CPNE5: variants seen among roughly 807,000 people sequenced by gnomAD.
CPNE5 encodes the protein copine-5.
Under a neutral mutation model 81.1 loss-of-function variants are expected in CPNE5, and 42 were observed. The ratio of observed to expected loss-of-function variants is 0.52; its 90% CI spans 0.40 to 0.67. The LOEUF is 0.67. Ranked by LOEUF, CPNE5 falls within the 30% of genes least tolerant of loss-of-function variation. The probability of loss-of-function intolerance (pLI) is 0.00; values close to 1 mark genes in which losing one functional copy is unlikely to be tolerated. For missense variants in CPNE5, 612 were observed against 815.5 expected (o/e 0.75, Z 3.04); for synonymous variants, 313 against 321.5 (o/e 0.97, Z 0.28).
At chr6:36,832,417 G>A (rs934502644) in intron 1 of CPNE5, among the ~76,000 whole-genome samples, 18 of 152,282 alleles carry the variant, frequency 1.2e-4, no homozygotes, top group African/African-American at 4.3e-4. Flanking sequence ...CCCTGAAATA[G>A]AAAGGAAAGT....
intron 3 of CPNE5, among the ~76,000 whole-genome samples, chr6:36,803,811 T>A (rs236403): frequency 2.6e-5 from 4 of 151,940 alleles, no homozygotes; most frequent in African/African-American, 9.7e-5. Context: ...TTAACAGGTG[T>A]TTTTTAAAAA....
chr6:36,820,895 C>T (rs1771986362), intron 3 of CPNE5, among the ~76,000 whole-genome samples: 2 of 151,640 alleles, frequency 1.3e-5, no homozygotes, highest in South Asian at 4.2e-4. Flanking sequence ...TGCAGTGAGT[C>T]ATGATCACAC....
intron 10 of CPNE5, among the ~76,000 whole-genome samples, chr6:36,773,386 C>A (rs78159145): frequency 4.8e-4 from 73 of 152,350 alleles, no homozygotes; most frequent in African/African-American, 1.7e-3. Context: ...GCCCCACTCG[C>A]TCTCTCGGCG....
chr6:36,830,906 C>A (rs1297791364), intron 1 of CPNE5, among the ~76,000 whole-genome samples: 4 of 152,064 alleles, frequency 2.6e-5, no homozygotes, highest in Non-Finnish European at 5.9e-5. Context: ...CAGATCTGTC[C>A]ACTCCTCCCC....
Position 36,762,946 on chromosome 6 carries a change from G to A in CPNE5, c.826C>T (p.Arg276Cys), listed in dbSNP as rs750160342. Reference protein sequence around the residue: ...EFTTSYRELARGQSQFNIYEV... With the variant: ...EFTTSYRELACGQSQFNIYEV... The stretch of plus-strand genomic sequence containing the variant: ...TAGATGTTGAATTGGCTCTGCCCAC[G>A]GGCCAGCTCCCGGTAACTGGTGGTG... Residue 276 changes from arginine (R) to cysteine (C), a missense_variant, in exon 12 of 21, where the codon CGT becomes TGT. Coordinates refer to ENST00000244751, the MANE Select transcript of CPNE5 (RefSeq NM_020939.2). 6.2e-6 allele frequency: 10 copies of A among 1,614,096 alleles called. No homozygotes were observed. Among genetic ancestry groups the A allele is most frequent in the East Asian group, 2.2e-5 (1 of 44,884 alleles).
intron 3 of CPNE5, among the ~76,000 whole-genome samples, chr6:36,802,930 C>T (rs115006749): frequency 0.01 from 1,583 of 152,238 alleles, 29 homozygotes; most frequent in African/African-American, 0.034. Context: ...TGATGGCGCA[C>T]GCCTATAGTC....
At position 36,745,398 on chromosome 6, in the gene CPNE5, G is replaced by A. The variant is rs1348846718; in HGVS notation, c.1318C>T (p.His440Tyr). The change falls in exon 17 of 21, where the codon CAC (histidine) becomes TAC (tyrosine). Residue 440 changes from histidine (H) to tyrosine (Y), a missense_variant. Transcript: ENST00000244751. Reference protein sequence around the residue: ...GPTNFAPVVTHVARNAAAVQD... With the variant: ...GPTNFAPVVTYVARNAAAVQD... ...GGCAGCGGCACTCACCTGGCCACGT[G>A]GGTGACCACGGGGGCAAAGTTGGTG... 1 of 1,606,602 alleles carries A rather than the reference G, an allele frequency of 6.2e-7. No homozygotes were observed.
chr6:36,795,599 T>C (rs1041158858), intron 6 of CPNE5, among the ~76,000 whole-genome samples: 7 of 152,174 alleles, frequency 4.6e-5, no homozygotes, highest in Non-Finnish European at 1.0e-4. Context: ...CACAGAGAGA[T>C]GACAATCTGA....
chr6:36,781,626 C>G (rs1414086577), intron 8 of CPNE5, among the ~76,000 whole-genome samples: 1 of 152,066 alleles, frequency 6.6e-6, no homozygotes, highest in Non-Finnish European at 1.5e-5. Context: ...TAAATGCCCC[C>G]CTAGGGAGCC....
chr6:36,745,203 TC>T, intron 17 of CPNE5, 53 bp from the exon 18 acceptor site: 2 of 1,512,482 alleles, frequency 1.3e-6, no homozygotes, highest in Non-Finnish European at 9.1e-7. Context: ...CTGGGCATGT[TC>T]CCCCCTAAAC....
In CPNE5 at chr6:36,774,961, C is replaced by A. The variant is rs1457120066; in HGVS notation, c.737G>T (p.Arg246Leu). 6.2e-7 allele frequency: 1 copy of A among 1,611,482 alleles called. No individual in the cohort carries two copies. The highest frequency in any genetic ancestry group is 8.5e-7 in the Non-Finnish European group (1 of 1,177,638). ...AAGAAGGGACATTTTCTCATCTCACCGATCGTAGTCGCCGTTGCAGAGGGC... is the reference window on the plus strand; with the variant it reads ...AAGAAGGGACATTTTCTCATCTCACAGATCGTAGTCGCCGTTGCAGAGGGC... ...VRALCNGDYD[R>L]TIKVEVYDWD... Residue 246 changes from arginine to leucine, a missense_variant and splice_region_variant, in exon 10 of 21, where the codon CGG (arginine) becomes CTG (leucine). Arg to Leu is a moderately radical substitution (Grantham distance 102). Coordinates refer to ENST00000244751, the MANE Select transcript of CPNE5 (RefSeq NM_020939.2).
intron 1 of CPNE5, among the ~76,000 whole-genome samples, chr6:36,832,956 T>C (rs571411644): frequency 6.6e-6 from 1 of 152,314 alleles, no homozygotes; most frequent in South Asian, 2.1e-4. Context: ...TGTGACTTTT[T>C]GTGGTTTCTG....
chr6:36,758,474 CTT>C (rs1051654771), intron 12 of CPNE5, among the ~76,000 whole-genome samples: 3 of 150,866 alleles, frequency 2.0e-5, no homozygotes, highest in African/African-American at 7.4e-5. Context: ...GTCTCAAACT[CTT>C]GGGCTCAAGC....
chr6:36,763,096 G>A, intron 11 of CPNE5, 104 bp from the exon 12 acceptor site: 1 of 992,262 alleles, frequency 1.0e-6, no homozygotes, highest in Non-Finnish European at 1.6e-6. Flanking sequence ...ATTCTACCTG[G>A]GACTCCACTC....
chr6:36,765,823 T>G (rs974704105), intron 10 of CPNE5, among the ~76,000 whole-genome samples: 1 of 150,814 alleles, frequency 6.6e-6, no homozygotes, highest in Non-Finnish European at 1.5e-5. Context: ...GGGCTTTGGG[T>G]GTGGGAGCCA....
In CPNE5 at chr6:36,823,092, G is replaced by A. The variant is rs775524216; in HGVS notation, c.102C>T (p.Leu34=). 25 of 1,571,106 alleles carry A rather than the reference G, an allele frequency of 1.6e-5. No individual in the cohort carries two copies. Among genetic ancestry groups the A allele is most frequent in the Non-Finnish European group, 2.2e-5 (25 of 1,156,842 alleles). ...ACTTGGAAAACATGTCTTTGTCCAGGAGGTTCCTGAAAGAGGGGGAGAGAG... is the reference window on the plus strand; with the variant it reads ...ACTTGGAAAACATGTCTTTGTCCAGAAGGTTCCTGAAAGAGGGGGAGAGAG... ...KVEITVSCRN[L]LDKDMFSKSD... Residue 34 remains leucine, a synonymous_variant, in exon 2 of 21, where the codon CTC becomes CTT. Transcript: ENST00000244751.
At position 36,746,638 on chromosome 6, in the gene CPNE5, G is replaced by A. The variant is rs559035251; in HGVS notation, c.1019-61C>T. ...GACCCTCCAAGTCACCCCGGGTTCA[G>A]AATGAAGAAGGGGGTGTCCAAGGGC... On this transcript the variant is annotated intron_variant, in intron 15 of 20. Transcript: ENST00000244751. This position sits in a 1 kb window ranked among gnomAD's most constrained non-coding sequence, Gnocchi z 4.5. The A allele has an allele frequency of 1.3e-6, 2 of 1,498,042 alleles. No homozygotes were observed. Among genetic ancestry groups the A allele is most frequent in the African/African-American group, 1.4e-5 (1 of 69,938 alleles). 92.8% of individuals were successfully genotyped at this position (1,498,042 alleles called of 1,614,324 possible). A position where few individuals can be genotyped will look rare whatever the true frequency, so the allele number is the denominator to read the frequency against.
chr6:36,796,980 G>A (rs1769641250), intron 6 of CPNE5, among the ~76,000 whole-genome samples: 1 of 151,998 alleles, frequency 6.6e-6, no homozygotes, highest in Non-Finnish European at 1.5e-5. Context: ...GCCCAATCTC[G>A]GCTCACTGCA....
intron 3 of CPNE5, among the ~76,000 whole-genome samples, chr6:36,819,133 C>T (rs545778684): frequency 4.6e-5 from 7 of 152,316 alleles, no homozygotes; most frequent in East Asian, 3.9e-4. Flanking sequence ...GACAGGGTCT[C>T]GCTCTGTCAA....
Sources: allele counts gnomAD v4.1 joint callset (sites outside exome capture counted in the v4.1 genomes callset), GRCh38; gene constraint gnomAD v4.1.1; non-coding constraint Gnocchi (gnomAD v3.1); transcripts MANE v1.5; gene names NCBI Gene and HGNC (gene_info 2026-07-23, HGNC 2026-07-21).